The following PDE4D variants were observed in gnomAD, a reference collection of about 807,000 sequenced individuals.
The protein encoded by PDE4D is phosphodiesterase 4D, also known as 3',5'-cyclic-AMP phosphodiesterase 4D.
PDE4D carries 24 observed loss-of-function variants against 87.4 expected under a neutral mutation model. That is an observed-to-expected ratio of 0.27 (90% CI 0.20 to 0.39). The LOEUF (loss-of-function observed/expected upper bound fraction) is 0.39, where lower values mean the gene tolerates loss of function less well. PDE4D is among the 10% of genes least tolerant of loss of function. The pLI, the probability that PDE4D is intolerant of heterozygous loss-of-function variation, is 1.00. For synonymous variants in PDE4D, 384 were observed against 383.2 expected (o/e 1.00, Z -0.02); for missense variants, 714 against 1,041.0 (o/e 0.69, Z 4.32).
chr5:59,405,192 T>C (rs902065375), intron 1 of PDE4D, among the ~76,000 whole-genome samples: 2 of 152,246 alleles, frequency 1.3e-5, no homozygotes, highest in Non-Finnish European at 2.9e-5. Context: ...TTTAACAATA[T>C]TGATTCTTCC....
intron 2 of PDE4D, among the ~76,000 whole-genome samples, chr5:59,993,939 T>A (rs1446528164): frequency 6.6e-6 from 1 of 152,054 alleles, no homozygotes; most frequent in Non-Finnish European, 1.5e-5. Flanking sequence ...GACAAATAAC[T>A]TTAATGTTAT....
At chr5:59,361,292 A>G (rs1006916439) in intron 1 of PDE4D, among the ~76,000 whole-genome samples, 1 of 152,174 alleles carries the variant, frequency 6.6e-6, no homozygotes, top group African/African-American at 2.4e-5. Context: ...TATTCAAAAA[A>G]TATTTCTAGA....
intron 2 of PDE4D, chr5:59,193,853 G>A: frequency 2.2e-6 from 2 of 898,170 alleles, no homozygotes; most frequent in Non-Finnish European, 2.7e-6. Flanking sequence ...TTTACTTTTG[G>A]CCTCTTACTG....
chr5:59,039,928 C>G (rs897207087), intron 5 of PDE4D: 1 of 152,382 alleles, frequency 6.6e-6, no homozygotes, highest in African/African-American at 2.4e-5. Context: ...CAGGAGGGAC[C>G]GGCACGCAGG....
chr5:59,463,684 G>C (rs1347811586), intron 1 of PDE4D, among the ~76,000 whole-genome samples: 2 of 152,156 alleles, frequency 1.3e-5, no homozygotes, highest in East Asian at 3.9e-4. Flanking sequence ...GTTTCTGCTA[G>C]GTCAAATTAG....
intron 5 of PDE4D, among the ~76,000 whole-genome samples, chr5:59,132,289 C>G (rs964287755): frequency 6.6e-6 from 1 of 152,114 alleles, no homozygotes; most frequent in Admixed American, 6.5e-5. Flanking sequence ...GTGGAGATGA[C>G]AGGTGAGCCA....
intron 1 of PDE4D, among the ~76,000 whole-genome samples, chr5:59,512,518 T>C (rs1050644188): frequency 2.6e-5 from 4 of 152,154 alleles, no homozygotes; most frequent in African/African-American, 9.6e-5. Flanking sequence ...ATGAATGAAC[T>C]TGGGGTAAAG....
rs16877712 is a variant in PDE4D at position 60,177,534 on chromosome 5, T to C, written c.42+8023A>G. On this transcript the variant is annotated intron_variant, in intron 2 of 16. Coordinates refer to the PDE4D transcript ENST00000502484. ...ATGTCCGACAAACAGAGGCAGTGAT[T>C]TTGCATACTTGGCAGAGATTCTTTG... Among the ~76,000 whole-genome samples, 1,137 of 152,248 alleles carry C rather than the reference T, an allele frequency of 7.5e-3. 14 individuals are homozygous for C. Among genetic ancestry groups the C allele is most frequent in the African/African-American group, 0.026 (1,095 of 41,558 alleles).
chr5:59,792,402 CTGTG>C (rs3062592), intron 1 of PDE4D, among the ~76,000 whole-genome samples: 100 of 138,810 alleles, frequency 7.2e-4, no homozygotes, highest in Middle Eastern at 3.6e-3. Context: ...CTCCAAGAAG[CTGTG>C]TGTGTGTGTG....
intron 1 of PDE4D, among the ~76,000 whole-genome samples, chr5:59,352,937 A>T (rs1780754582): frequency 6.6e-6 from 1 of 152,204 alleles, no homozygotes; most frequent in Non-Finnish European, 1.5e-5. Flanking sequence ...AACAATTGGC[A>T]AAAATGAGAT....
chr5:59,563,028 G>A (rs1405990438), intron 1 of PDE4D, among the ~76,000 whole-genome samples: 1 of 152,170 alleles, frequency 6.6e-6, no homozygotes, highest in African/African-American at 2.4e-5. Context: ...TGATTTGGCT[G>A]CTAAAATGAA....
chr5:60,164,641 G>T (rs958318825), intron 2 of PDE4D, among the ~76,000 whole-genome samples: 1 of 152,142 alleles, frequency 6.6e-6, no homozygotes, highest in African/African-American at 2.4e-5. Context: ...CTTGCTCACA[G>T]AATGATATAG....
chr5:60,302,043 A>T (rs1426907820), intron 1 of PDE4D, among the ~76,000 whole-genome samples: 1 of 152,204 alleles, frequency 6.6e-6, no homozygotes, highest in Non-Finnish European at 1.5e-5. Context: ...ATGGTGGATA[A>T]GCTTTTTGAT....
At chr5:60,518,284 T>A (rs1750891874) in intron 1 of PDE4D, among the ~76,000 whole-genome samples, 1 of 152,230 alleles carries the variant, frequency 6.6e-6, no homozygotes, top group Admixed American at 6.5e-5. Context: ...CTGCCCAGGC[T>A]GAGTGGGCAG....
At position 60,108,528 on chromosome 5, in the gene PDE4D, C is replaced by G. The variant is rs893758175; in HGVS notation, c.42+77029G>C. On this transcript the variant is annotated intron_variant, in intron 2 of 16. Coordinates refer to the PDE4D transcript ENST00000502484. ...AAACTACTGTAAAGTTCATATGGAA[C>G]CAAAAAAGAGCTCGCGTTGCCAAAT... 6.6e-5 allele frequency among the ~76,000 whole-genome samples: 10 copies of G among 152,232 alleles called. 1 individual carries two copies. Among genetic ancestry groups the G allele is most frequent in the South Asian group, 6.2e-4 (3 of 4,828 alleles).
rs368127170 is a variant in PDE4D, at chr5:60,038,450, T to C, written c.43-49733A>G. On this transcript the variant is annotated intron_variant, in intron 2 of 16. Transcript: ENST00000502484. ...AGATAGTTGTAGATATGCGGCGTTA[T>C]TTCTGAGGGCTCTGTTCTGTTCCAC... is the stretch of plus-strand genomic sequence containing the variant. Among the ~76,000 whole-genome samples, 106 of 152,220 alleles carry C rather than the reference T, an allele frequency of 7.0e-4. 1 individual carries two copies. The East Asian group carries it at 0.016, about 23-fold the overall frequency.
At chr5:59,519,481 T>C (rs1811797803) in intron 1 of PDE4D, among the ~76,000 whole-genome samples, 2 of 152,164 alleles carry the variant, frequency 1.3e-5, no homozygotes, top group Admixed American at 1.3e-4. Context: ...GAACAGGTAG[T>C]GCAAAGGCTG....
chr5:60,484,315 C>G (rs1305661884), intron 1 of PDE4D, among the ~76,000 whole-genome samples: 2 of 151,944 alleles, frequency 1.3e-5, no homozygotes, highest in Non-Finnish European at 2.9e-5. Flanking sequence ...TGAAGGAATG[C>G]TTATCTAACT....
intron 1 of PDE4D, among the ~76,000 whole-genome samples, chr5:59,686,455 G>A (rs1290428431): frequency 5.9e-5 from 9 of 152,022 alleles, no homozygotes; most frequent in Admixed American, 2.0e-4. Flanking sequence ...CCACTTTCAT[G>A]ATCTTTATGC....
Sources: allele counts gnomAD v4.1 joint callset (sites outside exome capture counted in the v4.1 genomes callset), GRCh38; gene constraint gnomAD v4.1.1; transcripts MANE v1.5; gene names NCBI Gene and HGNC (gene_info 2026-07-23, HGNC 2026-07-21).